Variants in CDK5RAP2 observed in about 807,000 individuals in gnomAD.
CDK5RAP2 encodes CDK5 regulatory subunit-associated protein 2.
CDK5RAP2 carries 147 observed loss-of-function variants against 232.9 expected under a neutral mutation model. The ratio of observed to expected loss-of-function variants is 0.63; its 90% CI spans 0.55 to 0.72. The LOEUF (loss-of-function observed/expected upper bound fraction) is 0.72. Among genes scored for constraint, CDK5RAP2 ranks in the 30% least tolerant of loss-of-function variants. CDK5RAP2 has a pLI of 0.00. For missense variants in CDK5RAP2, 2,195 were observed against 2,231.5 expected (o/e 0.98, Z 0.33); for synonymous variants, 833 against 833.7 (o/e 1.00, Z 0.01).
At chr9:120,533,534 T>A (rs1300211906) in intron 7 of CDK5RAP2, among the ~76,000 whole-genome samples, 1 of 152,104 alleles carries the variant, frequency 6.6e-6, no homozygotes, top group East Asian at 1.9e-4. Context: ...GCACAGTGGC[T>A]CATGTCTGTA....
In CDK5RAP2 at chr9:120,419,834, A is replaced by G. The variant is rs564654022; in HGVS notation, c.4131T>C (p.Asp1377=). The G allele has an allele frequency of 1.2e-6, 2 of 1,614,064 alleles. No homozygotes were observed. The highest frequency in any genetic ancestry group is 1.7e-6 in the Non-Finnish European group (2 of 1,179,906). ...TAACTGAAGTCTTCTCTGTCTCATT[A>G]TCTTGCTTCTGGTCTCGTGAGAAGA... ...KSFFSRDQKQ[D]NETEKTSVMV... The change falls in exon 27 of 38, where the codon GAT becomes GAC. Residue 1377 remains aspartate, a synonymous_variant. Coordinates refer to ENST00000349780, the MANE Select transcript of CDK5RAP2 (RefSeq NM_018249.6).
Position 120,403,263 on chromosome 9 carries a change from C to T in CDK5RAP2, c.5042-192G>A, listed in dbSNP as rs1164623714. 72 of 592,140 alleles carry T rather than the reference C, an allele frequency of 1.2e-4. No homozygotes were observed. In the East Asian group the frequency reaches 2.0e-3, roughly 16 times the overall value. The allele number at this position is 592,140 out of a possible 1,614,324, so 36.7% of individuals were successfully genotyped here. On this transcript the variant is annotated intron_variant, in intron 33 of 37. Transcript: ENST00000349780. This position sits in a 1 kb window ranked among gnomAD's most constrained non-coding sequence, Gnocchi z 4.2. ...ATTACCCCACACTGGGCTTATGAGT[C>T]ATCTTGTAGGAGAGGCTCAAGTCAA...
At chr9:120,437,110 G>A (rs557670589) in intron 25 of CDK5RAP2, among the ~76,000 whole-genome samples, 185 bp downstream of exon 25, 10 of 152,166 alleles carry the variant, frequency 6.6e-5, no homozygotes, top group South Asian at 2.1e-4. Context: ...TAACAGTGCC[G>A]ACCACAAGCC....
intron 3 of CDK5RAP2, among the ~76,000 whole-genome samples, chr9:120,566,537 G>C (rs2042651912): frequency 6.6e-6 from 1 of 152,180 alleles, no homozygotes; most frequent in Non-Finnish European, 1.5e-5. Context: ...AAAAATAACA[G>C]TAATTATAAC....
rs138608399 is a variant in CDK5RAP2 at position 120,574,003 on chromosome 9, C to T, written c.60-1962G>A. ...TTCTCTCCGGGTACCAGAGCCATTA[C>T]ATTAACTCCCACTGGCTAAAACTGC... On this transcript the variant is annotated intron_variant, in intron 1 of 37. Coordinates refer to ENST00000349780, the MANE Select transcript of CDK5RAP2 (RefSeq NM_018249.6). 3.3e-5 allele frequency among the ~76,000 whole-genome samples: 5 copies of T among 152,282 alleles called. No homozygotes were observed. In the East Asian group the frequency reaches 9.6e-4, roughly 29 times the overall value.
rs200736961 is a variant in CDK5RAP2 at position 120,413,813 on chromosome 9, G to GA, written c.4297+1226_4297+1227insT. ...AGGAAATGGGCGCAGTGAGCGAGGA[G>GA]GGAGGAGGGAGGAGGGAGGAGGGAG... On this transcript the variant is annotated intron_variant, in intron 28 of 37. Coordinates refer to ENST00000349780, the MANE Select transcript of CDK5RAP2 (RefSeq NM_018249.6). 4.4e-5 allele frequency among the ~76,000 whole-genome samples: 6 copies of GA among 135,928 alleles called. No homozygotes were observed. The East Asian group carries it at 1.4e-3, about 31-fold the overall frequency. The allele number at this position is 135,928 out of a possible 152,430, so 89.2% of individuals were successfully genotyped here. A position where few individuals can be genotyped will look rare whatever the true frequency, so the allele number is the denominator to read the frequency against.
intron 2 of CDK5RAP2, among the ~76,000 whole-genome samples, chr9:120,570,697 G>A (rs1289385650): frequency 6.6e-6 from 1 of 151,974 alleles, no homozygotes; most frequent in African/African-American, 2.4e-5. Context: ...AAATTAGCTG[G>A]GTGTGGTGGC....
chr9:120,568,045 G>A (rs1320843355), intron 3 of CDK5RAP2, among the ~76,000 whole-genome samples: 1 of 152,162 alleles, frequency 6.6e-6, no homozygotes, highest in Non-Finnish European at 1.5e-5. Context: ...TAGGACACCA[G>A]AAAGACACCA....
intron 28 of CDK5RAP2, among the ~76,000 whole-genome samples, chr9:120,413,881 G>A (rs987449828): frequency 6.6e-5 from 10 of 152,058 alleles, no homozygotes; most frequent in Non-Finnish European, 1.3e-4. Context: ...GGAGCCATTC[G>A]GTTTCCCTTG....
intron 12 of CDK5RAP2, among the ~76,000 whole-genome samples, chr9:120,500,448 TG>T (rs1051466287): frequency 1.3e-5 from 2 of 152,254 alleles, no homozygotes; most frequent in African/African-American, 2.4e-5. Context: ...AGTTTTTTGT[TG>T]CACCACATCC....
intron 3 of CDK5RAP2, 119 bp downstream of exon 3, chr9:120,568,202 C>G: frequency 3.7e-6 from 3 of 803,892 alleles, no homozygotes; most frequent in Non-Finnish European, 4.5e-6. Flanking sequence ...AGACATGGCA[C>G]CCCCCTGCCT....
At chr9:120,518,131 G>A (rs534912660) in intron 12 of CDK5RAP2, among the ~76,000 whole-genome samples, 47 of 146,670 alleles carry the variant, frequency 3.2e-4, no homozygotes, top group Middle Eastern at 3.5e-3. Context: ...AAAAAAGCAC[G>A]ATACAAAACT....
chr9:120,487,037 C>G (rs2038647588), intron 14 of CDK5RAP2, among the ~76,000 whole-genome samples: 1 of 152,114 alleles, frequency 6.6e-6, no homozygotes, highest in South Asian at 2.1e-4. Flanking sequence ...AAGAGGTGAG[C>G]CCTGATAGAG....
At chr9:120,563,150 A>C (rs1394509441) in intron 3 of CDK5RAP2, among the ~76,000 whole-genome samples, 2 of 152,130 alleles carry the variant, frequency 1.3e-5, no homozygotes, top group Non-Finnish European at 2.9e-5. Flanking sequence ...GCCACATTCA[A>C]GTTGAGGCAA....
At chr9:120,576,616 C>T (rs188394958) in intron 1 of CDK5RAP2, among the ~76,000 whole-genome samples, 156 of 152,194 alleles carry the variant, frequency 1.0e-3, no homozygotes, top group Middle Eastern at 6.8e-3. Context: ...GCACCAGAAC[C>T]GCTTGAACCC....
rs535424294 is a variant in CDK5RAP2, at chr9:120,554,083, TC to T, written c.196-3182del. Among the ~76,000 whole-genome samples, 92 of 152,332 alleles carry T rather than the reference TC, an allele frequency of 6.0e-4. 1 individual carries two copies. The highest frequency in any genetic ancestry group is 2.2e-3 in the African/African-American group (90 of 41,576). ...AAGAATGAGAGACCACATTGTGCAC[TC>T]ATAGGAAATTAAGTCCAAGATACAT... On this transcript the variant is annotated intron_variant, in intron 3 of 37. Transcript: ENST00000349780.
chr9:120,561,799 CA>C lies in CDK5RAP2; in HGVS notation c.195+6521del, dbSNP rs1348731173. On this transcript the variant is annotated intron_variant, in intron 3 of 37. Coordinates refer to ENST00000349780, the MANE Select transcript of CDK5RAP2 (RefSeq NM_018249.6). ...TTTTTCATATTGTGGCAGAATTACA[CA>C]AAACTATCAGTTGAAATAACTGCAC... 3.9e-5 allele frequency among the ~76,000 whole-genome samples: 6 copies of C among 152,280 alleles called. No individual in the cohort carries two copies. In the South Asian group the frequency reaches 6.2e-4, roughly 16 times the overall value.
intron 23 of CDK5RAP2, 53 bp downstream of exon 23, chr9:120,443,567 A>G: frequency 6.3e-7 from 1 of 1,598,880 alleles, no homozygotes; most frequent in Non-Finnish European, 8.6e-7. Flanking sequence ...AAACATCCAA[A>G]TGGTGCCTGG....
intron 20 of CDK5RAP2, among the ~76,000 whole-genome samples, chr9:120,454,837 G>A (rs2036668195): frequency 6.6e-6 from 1 of 152,136 alleles, no homozygotes; most frequent in South Asian, 2.1e-4. Context: ...AGGGTCCCCA[G>A]CAGTAACCAG....
Sources: gnomAD v4.1 joint callset for allele counts (sites outside exome capture counted in the v4.1 genomes callset) on GRCh38, gnomAD v4.1.1 for gene constraint, Gnocchi (gnomAD v3.1) non-coding constraint, MANE v1.5 for transcripts, NCBI Gene and HGNC (gene_info 2026-07-23, HGNC 2026-07-21) for gene names.